Variants in GOT1L1 observed in about 807,000 individuals in gnomAD.
The protein encoded by GOT1L1 is glutamic-oxaloacetic transaminase 1 like 1, also known as aspartate aminotransferase, cytoplasmic 2.
GOT1L1 carries 38 observed loss-of-function variants against 43.6 expected under a neutral mutation model. The observed-to-expected ratio is 0.87, with a 90% CI of 0.67 to 1.14. The LOEUF is 1.14. GOT1L1 is among the 50% of genes most tolerant of loss of function. The pLI, the probability that GOT1L1 is intolerant of heterozygous loss-of-function variation, is 0.00. For synonymous variants in GOT1L1, 183 were observed against 187.2 expected, an observed-to-expected ratio of 0.98 and a Z score of 0.18; for missense variants, 482 against 504.0, an observed-to-expected ratio of 0.96 and a Z score of 0.42.
rs766054077 is a variant in GOT1L1 at position 37,938,713 on chromosome 8, A to G, written c.284T>C (p.Ile95Thr). 8 of 1,588,412 alleles carry G rather than the reference A, an allele frequency of 5.0e-6. No homozygotes were observed. In the South Asian group the frequency reaches 6.9e-5, roughly 14 times the overall value. ...CCACCTTCTCACCCTGTTCTCCACA[A>G]TGGCTTGGCTGTGCTTTCCAAAGAG... is the stretch of plus-strand genomic sequence containing the variant. ...ALLFGKHSQA[I>T]VENRVGGVHT... Residue 95 changes from isoleucine to threonine, a missense_variant, in exon 2 of 9, where the codon ATT (isoleucine) becomes ACT (threonine). By Grantham distance (89) the Ile-to-Thr change is moderately conservative. Transcript: ENST00000307599.
chr8:37,934,985 AG>A, intron 8 of GOT1L1, 87 bp downstream of exon 8: 1 of 1,432,504 alleles, frequency 7.0e-7, no homozygotes, highest in Non-Finnish European at 9.7e-7. Flanking sequence ...GAGTGAAGCT[AG>A]GAACTGGTCA....
intron 3 of GOT1L1, 86 bp from the exon 4 acceptor site, chr8:37,937,472 C>G: frequency 9.6e-7 from 1 of 1,045,758 alleles, no homozygotes; most frequent in East Asian, 2.6e-5. Flanking sequence ...CTGAGAGTCA[C>G]TGGCTGAAGG....
At position 37,938,515 on chromosome 8, in the gene GOT1L1, A is replaced by G. The variant is rs191116749; in HGVS notation, c.297+185T>C. 1.9e-3 allele frequency among the ~76,000 whole-genome samples: 283 copies of G among 152,364 alleles called. 1 individual carries two copies. The highest frequency in any genetic ancestry group is 6.4e-3 in the African/African-American group (265 of 41,596). On this transcript the variant is annotated intron_variant, in intron 2 of 8. Transcript: ENST00000307599. Reference sequence around the variant, plus strand: ...AAATCAGCAGTGTGAGCAGGTGGGAATACCACTGGACTGAGATTCCGATCC... The same window carrying G: ...AAATCAGCAGTGTGAGCAGGTGGGAGTACCACTGGACTGAGATTCCGATCC...
intron 4 of GOT1L1, 38 bp from the exon 5 acceptor site, chr8:37,937,095 C>T (rs1209319988): frequency 1.3e-6 from 2 of 1,589,472 alleles, no homozygotes; most frequent in Non-Finnish European, 1.7e-6. Context: ...TTCACCCCCA[C>T]CCAGGAGTGG....
rs781645001 is a variant in GOT1L1, at chr8:37,937,732, A to G, written c.315T>C (p.Thr105=). The G allele has an allele frequency of 6.2e-7, 1 of 1,612,434 alleles. No homozygotes were observed. Among genetic ancestry groups the G allele is most frequent in the South Asian group, 1.1e-5 (1 of 90,754 alleles). The part of the protein sequence containing the change: ...IVENRVGGVH[T]VGDSGAFQLG... ...GCTGGAAGGCACCACTGTCACCAAC[A>G]GTGTGTACACCCCCTACCTGCCAGC... The change falls in exon 3 of 9, where the codon ACT becomes ACC. Residue 105 remains threonine, a synonymous_variant. Coordinates refer to ENST00000307599, the MANE Select transcript of GOT1L1 (RefSeq NM_152413.3).
intron 1 of GOT1L1, 63 bp from the exon 2 acceptor site, chr8:37,938,944 GCAGA>G: frequency 6.7e-7 from 1 of 1,483,310 alleles, no homozygotes; most frequent in African/African-American, 1.4e-5. Context: ...GCTGAGCTCT[GCAGA>G]CAGCCTGCAA....
At chr8:37,938,904 A>C in intron 1 of GOT1L1, 23 bp from the exon 2 acceptor site, 1 of 1,611,278 alleles carries the variant, frequency 6.2e-7, no homozygotes, top group Non-Finnish European at 8.5e-7. Flanking sequence ...CCACAGAGGG[A>C]GCTCCAGATG....
In GOT1L1 at chr8:37,935,054, C is replaced by A. The variant is rs1807706988; in HGVS notation, c.1072+19G>T. ...GCCAAAGGTCAGAAAGGGGGGACAC[C>A]AGCCCCCTAGACCCTTACAGTTGAG... is the stretch of plus-strand genomic sequence containing the variant. On this transcript the variant is annotated intron_variant, in intron 8 of 8. Coordinates refer to ENST00000307599, the MANE Select transcript of GOT1L1 (RefSeq NM_152413.3). The A allele has an allele frequency of 6.2e-7, 1 of 1,613,086 alleles. No homozygotes were observed. The highest frequency in any genetic ancestry group is 8.5e-7 in the Non-Finnish European group (1 of 1,179,300).
In GOT1L1 at chr8:37,935,719, G is replaced by T; in HGVS notation, c.914C>A (p.Ala305Asp). The change falls in exon 7 of 9, where the codon GCT becomes GAT. Residue 305 changes from alanine to aspartate, a missense_variant. By Grantham distance (126) the Ala-to-Asp change is moderately radical. Transcript: ENST00000307599. ...RVITSILCNP[A>D]LLGEWKQSLK... ...TCACCCTTACCATTCTCCCAGCAGA[G>T]CAGGGTTGCAGAGGATGGAGGTGAT... 1 of 1,590,812 alleles carries T rather than the reference G, an allele frequency of 6.3e-7. No homozygotes were observed.
chr8:37,940,088 C>T lies in GOT1L1; in HGVS notation c.-59G>A. ...CTCTGCTCCTGTGTTCCGCTTCTGCCCAGAAGTCTTCCTCCAAGGCTGGGC... is the reference window on the plus strand; with the variant it reads ...CTCTGCTCCTGTGTTCCGCTTCTGCTCAGAAGTCTTCCTCCAAGGCTGGGC... On this transcript the variant is annotated 5_prime_UTR_variant, in exon 1 of 9. Transcript: ENST00000307599. 6.5e-7 allele frequency: 1 copy of T among 1,544,980 alleles called. No homozygotes were observed. Among genetic ancestry groups the T allele is most frequent in the Non-Finnish European group, 8.7e-7 (1 of 1,144,056 alleles).
intron 1 of GOT1L1, 28 bp downstream of exon 1, chr8:37,939,887 T>G (rs1472831331): frequency 6.2e-7 from 1 of 1,602,062 alleles, no homozygotes; most frequent in East Asian, 2.2e-5. Context: ...CACTTAAGTC[T>G]TATACTTCAG....
Position 37,935,120 on chromosome 8 carries a change from CCCCAGGA to C in GOT1L1, c.1018_1024del (p.Ser340ValfsTer47). The C allele has an allele frequency of 6.2e-7, 1 of 1,613,786 alleles. No individual in the cohort carries two copies. The highest frequency in any genetic ancestry group is 8.5e-7 in the Non-Finnish European group (1 of 1,179,816). On this transcript the variant is annotated frameshift_variant, in exon 8 of 9. Coordinates refer to ENST00000307599, the MANE Select transcript of GOT1L1 (RefSeq NM_152413.3). LOFTEE classifies it low-confidence loss of function (END_TRUNC). ...GGTCCCACTCTGCTCGGTGATGTGA[CCCCAGGA>C]CCCAGGGGTTCCCAGGAGCTGGAGT...
chr8:37,935,612 G>A, intron 7 of GOT1L1, 92 bp downstream of exon 7: 1 of 1,210,842 alleles, frequency 8.3e-7, no homozygotes, highest in Non-Finnish European at 1.1e-6. Flanking sequence ...ACATGGGCAG[G>A]AGAGAAGCAC....
rs1241555773 is a variant in GOT1L1 at position 37,935,217 on chromosome 8, T to C, written c.930-2A>G. On this transcript the variant is annotated splice_acceptor_variant, in intron 7 of 8. Coordinates refer to ENST00000307599, the MANE Select transcript of GOT1L1 (RefSeq NM_152413.3). LOFTEE classifies it high-confidence loss of function. ...ACAACTTCTTTTAGACTCTGCTTCC[T>C]ACCAAGGAAGGACAATGAGAAAGGA... 3.1e-6 allele frequency: 5 copies of C among 1,588,236 alleles called. No individual in the cohort carries two copies. The highest frequency in any genetic ancestry group is 4.3e-6 in the Non-Finnish European group (5 of 1,166,670).
In GOT1L1 at chr8:37,938,697, C is replaced by A; in HGVS notation, c.297+3G>T. 1 of 1,573,566 alleles carries A rather than the reference C, an allele frequency of 6.4e-7. No individual in the cohort carries two copies. Among genetic ancestry groups the A allele is most frequent in the Middle Eastern group, 1.7e-4 (1 of 5,860 alleles). On this transcript the variant is annotated splice_donor_region_variant and intron_variant, in intron 2 of 8. Transcript: ENST00000307599. ...TGAGCCAGGGGAGGGCCCACCTTCT[C>A]ACCCTGTTCTCCACAATGGCTTGGC... is the stretch of plus-strand genomic sequence containing the variant.
At chr8:37,937,229 G>T in intron 4 of GOT1L1, 48 bp downstream of exon 4, 1 of 1,309,904 alleles carries the variant, frequency 7.6e-7, no homozygotes, top group Non-Finnish European at 1.1e-6. Context: ...AGGAACATTA[G>T]GCTGTAAGTC....
intron 2 of GOT1L1, among the ~76,000 whole-genome samples, chr8:37,938,401 A>AT (rs1042399582): frequency 9.9e-5 from 15 of 152,278 alleles, no homozygotes; most frequent in South Asian, 2.1e-4. Context: ...TGTCTCAAAA[A>AT]ATATATATAA....
chr8:37,939,593 G>A (rs1306184174), intron 1 of GOT1L1, among the ~76,000 whole-genome samples: 1 of 151,254 alleles, frequency 6.6e-6, no homozygotes, highest in East Asian at 1.9e-4. Flanking sequence ...TTCAAGAACA[G>A]GAAGAGAAAG....
Position 37,936,861 on chromosome 8 carries a change from T to A in GOT1L1, c.622A>T (p.Ile208Leu), listed in dbSNP as rs573841612. Residue 208 changes from isoleucine (I) to leucine (L), a missense_variant, in exon 6 of 9, where the codon ATA becomes TTA. Transcript: ENST00000307599. ...CAGGGAATATCAAAAAATGGGAATA[T>A]CTGCTTGCTCTGTAGGAGAAAGGAG... is the stretch of plus-strand genomic sequence containing the variant. ...KLMSMIKSKQ[I>L]FPFFDIPCQG... The A allele has an allele frequency of 3.1e-6, 5 of 1,610,750 alleles. No homozygotes were observed. In the East Asian group the frequency reaches 8.9e-5, roughly 29 times the overall value.
Sources: gnomAD v4.1 joint callset for allele counts (sites outside exome capture counted in the v4.1 genomes callset) on GRCh38, gnomAD v4.1.1 for gene constraint, MANE v1.5 for transcripts, NCBI Gene and HGNC (gene_info 2026-07-23, HGNC 2026-07-21) for gene names.